MTR: variants seen among roughly 807,000 people sequenced by gnomAD.
MTR encodes 5-methyltetrahydrofolate-homocysteine methyltransferase, also known as methionine synthase.
In MTR, 84 loss-of-function variants were observed where a neutral mutation model predicts 154.8. The ratio of observed to expected loss-of-function variants is 0.54; its 90% CI spans 0.45 to 0.65. MTR has a LOEUF of 0.65. Ranked by LOEUF, MTR falls within the 30% of genes least tolerant of loss-of-function variation. The pLI is 0.00. For synonymous variants in MTR, 554 were observed against 553.9 expected (o/e 1.00, Z 0.00); for missense variants, 1,275 against 1,570.2 (o/e 0.81, Z 3.18).
chr1:236,857,672 C>T (rs1664282910), intron 18 of MTR, among the ~76,000 whole-genome samples: 1 of 152,212 alleles, frequency 6.6e-6, no homozygotes, highest in African/African-American at 2.4e-5. Context: ...GAGAGATGTA[C>T]CCCTACCCTC....
chr1:236,854,375 C>G (rs1664083270), intron 18 of MTR, among the ~76,000 whole-genome samples: 1 of 152,194 alleles, frequency 6.6e-6, no homozygotes, highest in Non-Finnish European at 1.5e-5. Flanking sequence ...GTGGCAGATA[C>G]AATCAAGTTC....
intron 2 of MTR, among the ~76,000 whole-genome samples, chr1:236,804,962 T>A (rs1169512231): frequency 1.3e-5 from 2 of 152,222 alleles, no homozygotes; most frequent in African/African-American, 4.8e-5. Flanking sequence ...ATGTCAGTAT[T>A]TGTAGATATA....
chr1:236,849,892 T>C (rs1257037982), intron 15 of MTR, among the ~76,000 whole-genome samples: 1 of 152,232 alleles, frequency 6.6e-6, no homozygotes, highest in Non-Finnish European at 1.5e-5. Context: ...TGGCAGTGTT[T>C]CCTGGGTGAT....
At chr1:236,851,751 A>G (rs1456494371) in intron 16 of MTR, among the ~76,000 whole-genome samples, 1 of 152,176 alleles carries the variant, frequency 6.6e-6, no homozygotes, top group Non-Finnish European at 1.5e-5. Flanking sequence ...TAAAAATAGA[A>G]TCGTAATATT....
At chr1:236,870,153 G>A (rs1409733799) in intron 22 of MTR, among the ~76,000 whole-genome samples, 1 of 152,172 alleles carries the variant, frequency 6.6e-6, no homozygotes, top group Non-Finnish European at 1.5e-5. Flanking sequence ...AGTACCATAA[G>A]TGTCATTTCA....
intron 5 of MTR, among the ~76,000 whole-genome samples, chr1:236,812,166 A>G (rs1266719982): frequency 2.0e-5 from 3 of 152,254 alleles, no homozygotes; most frequent in African/African-American, 7.2e-5. Flanking sequence ...GAGCCACTGC[A>G]CTGGGCCAAC....
rs757358617 is a variant in MTR, at chr1:236,880,844, G to C, written c.2676+8G>C. ...TCCAAGAGTGTGGTGGTGGTAAGTG[G>C]GTGACCTTACATTTTATTCCAGATG... On this transcript the variant is annotated splice_region_variant and intron_variant, in intron 25 of 32. Transcript: ENST00000366577. The C allele has an allele frequency of 2.5e-6, 4 of 1,612,264 alleles. No individual in the cohort carries two copies. In the African/African-American group the frequency reaches 5.3e-5, roughly 22 times the overall value.
chr1:236,863,375 G>C, intron 21 of MTR, 79 bp from the exon 22 acceptor site: 3 of 1,086,866 alleles, frequency 2.8e-6, no homozygotes, highest in Middle Eastern at 2.0e-4. Flanking sequence ...TTCTGTGCTG[G>C]CCCCTGCCTG....
chr1:236,892,977 C>CCAGGTAATGTAG (rs1455078073), intron 29 of MTR, among the ~76,000 whole-genome samples: 1 of 152,166 alleles, frequency 6.6e-6, no homozygotes, highest in Non-Finnish European at 1.5e-5. Context: ...ACATTACCTA[C>CCAGGTAATGTAG]CCAGGTAGCA....
At chr1:236,813,369 G>C (rs1661414484) in intron 6 of MTR, among the ~76,000 whole-genome samples, 1 of 152,204 alleles carries the variant, frequency 6.6e-6, no homozygotes, top group Non-Finnish European at 1.5e-5. Context: ...TTTTTACACA[G>C]TGTATCTGTA....
chr1:236,834,901 T>C (rs867962821), intron 13 of MTR, among the ~76,000 whole-genome samples: 16 of 152,178 alleles, frequency 1.1e-4, no homozygotes, highest in Admixed American at 3.3e-4. Flanking sequence ...TGTGTAATAG[T>C]GCATTAAATA....
At chr1:236,853,109 A>G in intron 18 of MTR, 21 bp downstream of exon 18, 1 of 1,613,478 alleles carries the variant, frequency 6.2e-7, no homozygotes. Flanking sequence ...AAGTGTTCTA[A>G]TAGATGGATT....
At chr1:236,797,379 G>A (rs1660453916) in intron 1 of MTR, among the ~76,000 whole-genome samples, 3 of 152,220 alleles carry the variant, frequency 2.0e-5, no homozygotes, top group Admixed American at 2.0e-4. Flanking sequence ...CCTGGGGAAG[G>A]AGGATGGTGG....
intron 9 of MTR, 29 bp downstream of exon 9, chr1:236,824,248 G>A (rs766277513): frequency 2.0e-6 from 3 of 1,535,480 alleles, no homozygotes; most frequent in Non-Finnish European, 2.7e-6. Flanking sequence ...TCACACATGG[G>A]GAGATAAAAA....
intron 15 of MTR, among the ~76,000 whole-genome samples, chr1:236,843,526 T>C (rs1164009685): frequency 6.6e-6 from 1 of 152,198 alleles, no homozygotes; most frequent in African/African-American, 2.4e-5. Context: ...GGAGCGAATA[T>C]GATCTGACTT....
At position 236,894,596 on chromosome 1, in the gene MTR, G is replaced by T. The variant is rs375974123; in HGVS notation, c.3405+39G>T. 3.7e-6 allele frequency: 6 copies of T among 1,611,730 alleles called. No homozygotes were observed. In the African/African-American group the frequency reaches 6.7e-5, roughly 18 times the overall value. ...ATTGCGCCGAGGGGCTGAGGACAGA[G>T]GCCAGGCAGTAGGGAGCCTGGGGTG... is the stretch of plus-strand genomic sequence containing the variant. On this transcript the variant is annotated intron_variant, in intron 30 of 32. Transcript: ENST00000366577.
At position 236,884,010 on chromosome 1, in the gene MTR, T is replaced by C. The variant is rs149927984; in HGVS notation, c.2677-1111T>C. Reference sequence around the variant, plus strand: ...GTTTCTTCTTTCTATGTAATTTTATTTTGTGTTTTGATGGTAGCTATTCTT... The same window carrying C: ...GTTTCTTCTTTCTATGTAATTTTATCTTGTGTTTTGATGGTAGCTATTCTT... On this transcript the variant is annotated intron_variant, in intron 25 of 32. Coordinates refer to ENST00000366577, the MANE Select transcript of MTR (RefSeq NM_000254.3). Among the ~76,000 whole-genome samples the C allele has an allele frequency of 2.7e-3, 405 of 152,326 alleles. 2 individuals carry two copies. The highest frequency in any genetic ancestry group is 8.9e-3 in the African/African-American group (372 of 41,572).
Position 236,825,419 on chromosome 1 carries a change from C to G in MTR, c.927+20C>G. 6.3e-7 allele frequency: 1 copy of G among 1,595,746 alleles called. No homozygotes were observed. ...CTAAAGGTCAGGGGTCCCCCTTTCA[C>G]TGGCTTTTTAAGAGAGACAGAAAGA... On this transcript the variant is annotated intron_variant, in intron 10 of 32. Transcript: ENST00000366577.
intron 15 of MTR, among the ~76,000 whole-genome samples, chr1:236,841,038 CG>C (rs1389489225): frequency 6.6e-6 from 1 of 152,108 alleles, no homozygotes; most frequent in Non-Finnish European, 1.5e-5. Context: ...CAAATAGTTC[CG>C]TAAACAAAAA....
Sources: allele counts gnomAD v4.1 joint callset (sites outside exome capture counted in the v4.1 genomes callset), GRCh38; gene constraint gnomAD v4.1.1; transcripts MANE v1.5; gene names NCBI Gene and HGNC (gene_info 2026-07-23, HGNC 2026-07-21).